POR: variants seen among roughly 807,000 people sequenced by gnomAD.
POR encodes NADPH--cytochrome P450 reductase.
POR carries 56 observed loss-of-function variants against 84.0 expected under a neutral mutation model. The ratio of observed to expected loss-of-function variants is 0.67; its 90% CI spans 0.54 to 0.83. The LOEUF is 0.83. Among genes scored for constraint, POR ranks in the 40% least tolerant of loss-of-function variants. The pLI is 0.00. For missense variants in POR, 938 were observed against 944.3 expected, an observed-to-expected ratio of 0.99 and a Z score of 0.09; for synonymous variants, 414 against 400.5, an observed-to-expected ratio of 1.03 and a Z score of -0.40.
intron 3 of POR, among the ~76,000 whole-genome samples, chr7:75,974,683 T>C (rs1167373626): frequency 6.6e-6 from 1 of 152,062 alleles, no homozygotes; most frequent in African/African-American, 2.4e-5. Flanking sequence ...CGTGCTACCA[T>C]GCCTGGCTAA....
At chr7:75,966,731 ACATCTCGGTT>A in intron 2 of POR, among the ~76,000 whole-genome samples, 1 of 152,258 alleles carries the variant, frequency 6.6e-6, no homozygotes, top group South Asian at 2.1e-4. Flanking sequence ...AATGAACCGC[ACATCTCGGTT>A]CATCTCGGTC....
Position 75,954,058 on chromosome 7 carries a change from A to AGT in POR, c.67_68dup (p.Ser24TyrfsTer6). On this transcript the variant is annotated frameshift_variant, in exon 2 of 16. Coordinates refer to ENST00000461988, the MANE Select transcript of POR (RefSeq NM_000941.3). LOFTEE classifies it high-confidence loss of function. ...CCGTGTCCGAGGCGGTGGCCGAAGA[A>AGT]GTATCTCTTTTCAGCATGACGGACA... The AGT allele has an allele frequency of 1.2e-6, 2 of 1,612,156 alleles. No homozygotes were observed. Among genetic ancestry groups the AGT allele is most frequent in the Non-Finnish European group, 1.7e-6 (2 of 1,179,110 alleles).
chr7:75,944,817 G>C (rs1014951738), intron 1 of POR, among the ~76,000 whole-genome samples: 1 of 152,152 alleles, frequency 6.6e-6, no homozygotes, highest in Non-Finnish European at 1.5e-5. Context: ...CCATGAACTT[G>C]AAGTTAGAGC....
chr7:75,951,989 C>T (rs1270464525), intron 1 of POR, among the ~76,000 whole-genome samples: 20 of 145,960 alleles, frequency 1.4e-4, no homozygotes, highest in South Asian at 4.4e-4. Context: ...CCCTCCCGGA[C>T]GGGGCGGCTG....
chr7:75,967,295 T>C (rs1205020582), intron 2 of POR, among the ~76,000 whole-genome samples: 2 of 152,164 alleles, frequency 1.3e-5, no homozygotes, highest in Non-Finnish European at 2.9e-5. Context: ...TCGGATGGGC[T>C]GTTTGCACTC....
chr7:75,922,945 G>T lies in POR; in HGVS notation c.-5+7766G>T. ...ACATGATTCCTGGCGGCAGAAACAT[G>T]ACAAGGTGTGTCTCAGACGACTAGA... On this transcript the variant is annotated intron_variant, in intron 1 of 15. Transcript: ENST00000461988. 3 of 675,752 alleles carry T rather than the reference G, an allele frequency of 4.4e-6. No individual in the cohort carries two copies. In the South Asian group the frequency reaches 4.8e-5, roughly 11 times the overall value. 41.9% of individuals were successfully genotyped at this position (675,752 alleles called of 1,614,324 possible).
At chr7:75,935,166 G>A (rs782710276) in intron 1 of POR, among the ~76,000 whole-genome samples, 6 of 152,248 alleles carry the variant, frequency 3.9e-5, no homozygotes, top group Middle Eastern at 3.4e-3. Flanking sequence ...CCCACCCTTC[G>A]CACCAGCACG....
chr7:75,921,422 C>A (rs1216588452), intron 1 of POR, among the ~76,000 whole-genome samples: 3 of 151,760 alleles, frequency 2.0e-5, no homozygotes, highest in African/African-American at 7.3e-5. Context: ...GCACCGCGCC[C>A]AGCTAATTTT....
intron 1 of POR, among the ~76,000 whole-genome samples, chr7:75,919,006 T>TC (rs2116185501): frequency 6.6e-6 from 1 of 150,920 alleles, no homozygotes; most frequent in East Asian, 1.9e-4. Flanking sequence ...GTTGTGTGTT[T>TC]TTTTTTTTTT....
At chr7:75,983,314 C>G (rs1175524962) in intron 8 of POR, 1 of 545,472 alleles carries the variant, frequency 1.8e-6, no homozygotes, top group African/African-American at 1.9e-5. Context: ...GCACTCCAGC[C>G]TGGGTGGCAG....
In POR at chr7:75,964,543, G is replaced by T. The variant is rs181716583; in HGVS notation, c.189-7870G>T. Among the ~76,000 whole-genome samples, 216 of 151,840 alleles carry T rather than the reference G, an allele frequency of 1.4e-3. 8 individuals are homozygous for T. The South Asian group carries it at 0.04, about 28-fold the overall frequency. On this transcript the variant is annotated intron_variant, in intron 2 of 15. Transcript: ENST00000461988. ...GGCTGATCTCGAACTGCTGACCTCA[G>T]GTGATCCGCCTGCCTCAGCCTTCCA...
At chr7:75,934,579 GA>G (rs1491307794) in intron 1 of POR, among the ~76,000 whole-genome samples, 1 of 149,828 alleles carries the variant, frequency 6.7e-6, no homozygotes. Flanking sequence ...AGACTGTGGG[GA>G]AAAAAAGGCC....
chr7:75,978,023 C>G (rs574819493), intron 3 of POR, among the ~76,000 whole-genome samples: 2 of 152,094 alleles, frequency 1.3e-5, no homozygotes, highest in Non-Finnish European at 1.5e-5. Context: ...GGTGGACTGA[C>G]GAGTATGTGA....
At chr7:75,926,621 C>A (rs996003561) in intron 1 of POR, among the ~76,000 whole-genome samples, 1 of 152,040 alleles carries the variant, frequency 6.6e-6, no homozygotes, top group Admixed American at 6.6e-5. Context: ...CATGGAGAAA[C>A]CTGTCTCTAC....
At chr7:75,972,892 G>T (rs553946879) in intron 3 of POR, 15 of 240,984 alleles carry the variant, frequency 6.2e-5, no homozygotes, top group African/African-American at 3.4e-4. Flanking sequence ...GCGCAATCTC[G>T]GTTCACTGCA....
intron 2 of POR, among the ~76,000 whole-genome samples, chr7:75,962,859 C>T (rs976029323): frequency 1.5e-4 from 23 of 152,320 alleles, no homozygotes; most frequent in South Asian, 6.2e-4. Context: ...GCTGTGCCAG[C>T]GGTTTTTCCT....
intron 2 of POR, among the ~76,000 whole-genome samples, chr7:75,967,023 G>A (rs544534162): frequency 6.6e-6 from 1 of 152,210 alleles, no homozygotes; most frequent in South Asian, 2.1e-4. Flanking sequence ...AGGTTGGAGT[G>A]CAGTGGCACA....
intron 5 of POR, chr7:75,980,745 A>T (rs538048162): frequency 6.1e-6 from 9 of 1,470,712 alleles, no homozygotes; most frequent in African/African-American, 1.4e-5. Context: ...TGGCTGGACG[A>T]CTGAGACCTG....
At chr7:75,935,923 C>T (rs1400491635) in intron 1 of POR, among the ~76,000 whole-genome samples, 1 of 151,508 alleles carries the variant, frequency 6.6e-6, no homozygotes, top group Non-Finnish European at 1.5e-5. Flanking sequence ...AACGTCTTTG[C>T]TTGGAGGGGT....
Sources: allele counts gnomAD v4.1 joint callset (sites outside exome capture counted in the v4.1 genomes callset), GRCh38; gene constraint gnomAD v4.1.1; transcripts MANE v1.5; gene names NCBI Gene and HGNC (gene_info 2026-07-23, HGNC 2026-07-21).